The following CFAP54 variants were observed in gnomAD, a reference collection of about 807,000 sequenced individuals.
The protein encoded by CFAP54 is cilia and flagella associated protein 54.
CFAP54 carries 290 observed loss-of-function variants against 370.4 expected under a neutral mutation model. The ratio of observed to expected loss-of-function variants is 0.78; its 90% confidence interval spans 0.71 to 0.86. The LOEUF (loss-of-function observed/expected upper bound fraction) is 0.86, where lower values mean the gene tolerates loss of function less well. CFAP54 is among the 40% of genes least tolerant of loss of function. CFAP54 has a pLI of 0.00. For synonymous variants in CFAP54, 1,206 were observed against 1,236.5 expected, an observed-to-expected ratio of 0.98 and a Z score of 0.52; for missense variants, 3,399 against 3,528.7, an observed-to-expected ratio of 0.96 and a Z score of 0.93.
intron 45 of CFAP54, among the ~76,000 whole-genome samples, chr12:96,694,226 C>T (rs1253221937): frequency 6.6e-6 from 1 of 152,162 alleles, no homozygotes; most frequent in East Asian, 1.9e-4. Context: ...CAGATAGATG[C>T]TAAATTACAA....
In CFAP54 at chr12:96,835,521, AC is replaced by A. The variant is rs577232531; in HGVS notation, c.9171+6435del. ...GGGACCTGCCCCCTTCTGCCCAGGA[AC>A]CTGTCTGCCTCCTGCTGCCATTCAT... On this transcript the variant is annotated intron_variant, in intron 66 of 67. Transcript: ENST00000524981. Among the ~76,000 whole-genome samples, 522 of 151,976 alleles carry A rather than the reference AC, an allele frequency of 3.4e-3. 4 individuals carry two copies. Among genetic ancestry groups the A allele is most frequent in the African/African-American group, 0.012 (494 of 41,478 alleles).
chr12:96,666,304 T>C (rs1008981665), intron 39 of CFAP54, among the ~76,000 whole-genome samples: 2 of 152,212 alleles, frequency 1.3e-5, no homozygotes, highest in Admixed American at 6.5e-5. Context: ...ATTCTATTAG[T>C]TTTACTATGG....
chr12:96,553,442 CAGAGA>C (rs1955717284), intron 15 of CFAP54, among the ~76,000 whole-genome samples: 2 of 149,398 alleles, frequency 1.3e-5, no homozygotes, highest in East Asian at 1.9e-4. Flanking sequence ...ACCTCTGGGG[CAGAGA>C]AGAGGAGTGG....
Position 96,540,871 on chromosome 12 carries a change from T to C in CFAP54, c.1961T>C (p.Ile654Thr), listed in dbSNP as rs563391946. Residue 654 changes from isoleucine to threonine, a missense_variant, in exon 14 of 68, where the codon ATT becomes ACT. Physicochemically the swap from Ile to Thr is moderately conservative, Grantham distance 89. Transcript: ENST00000524981. The stretch of plus-strand genomic sequence containing the variant: ...CTTCTGTGGCAGATAAATGAAGTAA[T>C]TCACTGCTATAAAATGGAAGACATT... ...IYLLWQINEV[I>T]HCYKMEDIDI... The C allele has an allele frequency of 2.7e-6, 4 of 1,483,526 alleles. No homozygotes were observed. Among genetic ancestry groups the C allele is most frequent in the Non-Finnish European group, 3.6e-6 (4 of 1,124,220 alleles). 91.9% of individuals were successfully genotyped at this position (1,483,526 alleles called of 1,614,324 possible).
chr12:96,664,718 T>TCC (rs1957047744), intron 39 of CFAP54, among the ~76,000 whole-genome samples: 1 of 6,384 alleles, frequency 1.6e-4, no homozygotes, highest in African/African-American at 5.6e-4. Flanking sequence ...TATATATCTA[T>TCC]ATATATCTAT....
chr12:96,788,329 T>C (rs1958649092), intron 62 of CFAP54, among the ~76,000 whole-genome samples: 1 of 152,176 alleles, frequency 6.6e-6, no homozygotes, highest in Admixed American at 6.5e-5. Flanking sequence ...GATACAGAAT[T>C]TGAGATTCTT....
At chr12:96,618,280 A>G (rs1356816153) in intron 26 of CFAP54, among the ~76,000 whole-genome samples, 1 of 152,194 alleles carries the variant, frequency 6.6e-6, no homozygotes, top group African/African-American at 2.4e-5. Context: ...CAGCTTATCG[A>G]CATACTCCAA....
rs758706208 is a variant in CFAP54 at position 96,743,461 on chromosome 12, G to A, written c.7279G>A (p.Ala2427Thr). The A allele has an allele frequency of 1.7e-5, 27 of 1,613,942 alleles. No homozygotes were observed. The highest frequency in any genetic ancestry group is 1.6e-4 in the Middle Eastern group (1 of 6,084). ...TGAAGTGTGTATGGAGGCAAAAAGC[G>A]CAGGGGACACGGAACTGCAGGCTGA... Reference protein sequence around the residue: ...INEVCMEAKSAGDTELQAEFL... With the variant: ...INEVCMEAKSTGDTELQAEFL... Residue 2427 changes from alanine to threonine, a missense_variant, in exon 53 of 68, where the codon GCA (alanine) becomes ACA (threonine). Ala to Thr is a moderately conservative substitution (Grantham distance 58). This residue lies in a region of CFAP54 where 2,796 missense variants were observed against 2,869.7 expected (regional missense o/e 0.97). Coordinates refer to ENST00000524981, the MANE Select transcript of CFAP54 (RefSeq NM_001306084.2).
rs34438 is a variant in CFAP54, at chr12:96,834,383, G to A, written c.9171+5295G>A. Among the ~76,000 whole-genome samples the A allele has an allele frequency of 9.5e-3, 1,441 of 152,330 alleles. 12 individuals carry two copies. The highest frequency in any genetic ancestry group is 0.02 in the Middle Eastern group (6 of 294). Reference sequence around the variant, plus strand: ...CTTGTTCTGCCCAATGGCAGGCTGCGCTTGGCTCACGCTACTGACCTGGAT... The same window carrying A: ...CTTGTTCTGCCCAATGGCAGGCTGCACTTGGCTCACGCTACTGACCTGGAT... On this transcript the variant is annotated intron_variant, in intron 66 of 67. Coordinates refer to ENST00000524981, the MANE Select transcript of CFAP54 (RefSeq NM_001306084.2).
intron 38 of CFAP54, among the ~76,000 whole-genome samples, chr12:96,659,053 C>A (rs1188851347): frequency 6.6e-6 from 1 of 151,300 alleles, no homozygotes; most frequent in Non-Finnish European, 1.5e-5. Context: ...GAGTTTCACT[C>A]TTGTTGCCCA....
chr12:96,588,883 A>G (rs964509020), intron 22 of CFAP54, among the ~76,000 whole-genome samples: 1 of 152,218 alleles, frequency 6.6e-6, no homozygotes, highest in Non-Finnish European at 1.5e-5. Flanking sequence ...TAAATTTGTT[A>G]AACTTAAAAC....
intron 33 of CFAP54, chr12:96,645,175 CTGAG>C (rs1565926524): frequency 2.2e-6 from 1 of 456,582 alleles, no homozygotes; most frequent in East Asian, 6.9e-5. Context: ...TAAGCACTTA[CTGAG>C]TGTCTTTGGC....
At chr12:96,854,497 C>G (rs973213136) in intron 66 of CFAP54, among the ~76,000 whole-genome samples, 3 of 151,978 alleles carry the variant, frequency 2.0e-5, no homozygotes, top group African/African-American at 7.3e-5. Flanking sequence ...TGGCATATGA[C>G]TAAAAAACAA....
chr12:96,732,110 TTGTG>T (rs34235358), intron 50 of CFAP54, among the ~76,000 whole-genome samples: 10 of 148,958 alleles, frequency 6.7e-5, no homozygotes, highest in Admixed American at 6.7e-5. Flanking sequence ...GTGTGTGTGT[TTGTG>T]TGTGTGTGTG....
chr12:96,535,639 A>G, intron 12 of CFAP54, 39 bp downstream of exon 12: 3 of 1,411,978 alleles, frequency 2.1e-6, no homozygotes, highest in Non-Finnish European at 2.9e-6. Context: ...TTAGTGTGGA[A>G]GGAGGTTTTT....
In CFAP54 at chr12:96,657,371, G is replaced by A. The variant is rs151126946; in HGVS notation, c.5101-511G>A. On this transcript the variant is annotated intron_variant, in intron 36 of 67. Transcript: ENST00000524981. The stretch of plus-strand genomic sequence containing the variant: ...TGGACATATTATTGTATAAATTAAC[G>A]AATGTAACCAACGTATTAGGGAACT... Among the ~76,000 whole-genome samples the A allele has an allele frequency of 4.8e-3, 725 of 152,176 alleles. 4 individuals carry two copies. The highest frequency in any genetic ancestry group is 0.016 in the African/African-American group (680 of 41,514).
intron 26 of CFAP54, among the ~76,000 whole-genome samples, chr12:96,604,582 A>G (rs943565349): frequency 1.3e-5 from 2 of 152,236 alleles, no homozygotes; most frequent in Non-Finnish European, 2.9e-5. Flanking sequence ...CTAGAGAGGC[A>G]GTAGGCCTTG....
chr12:96,712,339 A>C (rs897592381), intron 48 of CFAP54, among the ~76,000 whole-genome samples: 1 of 152,166 alleles, frequency 6.6e-6, no homozygotes, highest in East Asian at 1.9e-4. Context: ...GAAATTCATT[A>C]TATAATAAAT....
intron 58 of CFAP54, 130 bp from the exon 59 acceptor site, chr12:96,764,021 T>C: frequency 1.8e-6 from 1 of 545,004 alleles, no homozygotes; most frequent in South Asian, 3.0e-5. Flanking sequence ...GTATTTCGAA[T>C]ATCTTCTCAT....
Sources: gnomAD v4.1 joint callset for allele counts (sites outside exome capture counted in the v4.1 genomes callset) on GRCh38, gnomAD v4.1.1 for gene constraint, gnomAD v4.1.1 regional missense constraint, MANE v1.5 for transcripts, NCBI Gene and HGNC (gene_info 2026-07-23, HGNC 2026-07-21) for gene names.